SV2C: variants seen among roughly 807,000 people sequenced by gnomAD.
SV2C encodes the protein synaptic vesicle glycoprotein 2C, also known as solute carrier family 22 member B3.
In SV2C, 49 loss-of-function variants were observed where a neutral mutation model predicts 79.7. The observed-to-expected ratio is 0.61, with a 90% CI of 0.49 to 0.78. SV2C has a LOEUF of 0.78. Among genes scored for constraint, SV2C ranks in the 30% least tolerant of loss-of-function variants. SV2C has a pLI of 0.00. For missense variants in SV2C, 833 were observed against 912.9 expected, an observed-to-expected ratio of 0.91 and a Z score of 1.13; for synonymous variants, 334 against 333.2, an observed-to-expected ratio of 1.00 and a Z score of -0.03.
the SV2C span, among the ~76,000 whole-genome samples, chr5:76,034,392 A>G: frequency 6.6e-6 from 1 of 152,208 alleles, no homozygotes; most frequent in South Asian, 2.1e-4. Context: ...GGTTTGTCAT[A>G]GATAGCTCTT....
At chr5:75,921,694 A>G in the SV2C span, 1 of 558,608 alleles carries the variant, frequency 1.8e-6, no homozygotes, top group Non-Finnish European at 3.4e-6. Context: ...CAATGGATAT[A>G]CCCAGCAAAG....
At chr5:76,285,716 A>G (rs1747333413) in intron 5 of SV2C, 65 bp from the exon 6 acceptor site, 2 of 1,370,042 alleles carry the variant, frequency 1.5e-6, no homozygotes, top group South Asian at 1.2e-5. Flanking sequence ...CAAGACGGCT[A>G]TTGGAAAATC....
chr5:76,248,051 G>A (rs1217847427), intron 4 of SV2C, among the ~76,000 whole-genome samples: 2 of 152,162 alleles, frequency 1.3e-5, no homozygotes, highest in African/African-American at 4.8e-5. Flanking sequence ...TAATGATCAA[G>A]TTATATGCAT....
intron 4 of SV2C, among the ~76,000 whole-genome samples, chr5:76,220,744 G>A (rs1479617463): frequency 6.6e-6 from 1 of 152,162 alleles, no homozygotes; most frequent in Non-Finnish European, 1.5e-5. Flanking sequence ...TCCGGGGCTG[G>A]TGTAGTAGCT....
At chr5:75,957,453 C>G in the SV2C span, among the ~76,000 whole-genome samples, 1 of 152,034 alleles carries the variant, frequency 6.6e-6, no homozygotes, top group Non-Finnish European at 1.5e-5. Flanking sequence ...AACCTTTTGA[C>G]ATGCAGCTAT....
chr5:76,105,414 A>G (rs1747878737), intron 1 of SV2C, among the ~76,000 whole-genome samples: 1 of 152,192 alleles, frequency 6.6e-6, no homozygotes, highest in Non-Finnish European at 1.5e-5. Flanking sequence ...CAAGCCCCAG[A>G]TAGCTAGCAC....
upstream of SV2C, chr5:76,082,419 T>C (rs1016877465): frequency 1.1e-4 from 17 of 152,050 alleles, no homozygotes; most frequent in African/African-American, 4.1e-4. Flanking sequence ...GGGAGAAATG[T>C]TTGTTTCTGA....
chr5:76,213,223 A>T (rs1355369865), intron 4 of SV2C, among the ~76,000 whole-genome samples: 1 of 152,376 alleles, frequency 6.6e-6, no homozygotes, highest in Non-Finnish European at 1.5e-5. Flanking sequence ...AATTAAAATT[A>T]AAAATGAAAA....
chr5:75,980,487 C>T, the SV2C span, among the ~76,000 whole-genome samples: 2 of 152,192 alleles, frequency 1.3e-5, no homozygotes, highest in South Asian at 2.1e-4. Flanking sequence ...CAAACCAAAT[C>T]GAACAGCACA....
chr5:76,321,867 T>C (rs1748840882), intron 12 of SV2C, among the ~76,000 whole-genome samples: 1 of 152,208 alleles, frequency 6.6e-6, no homozygotes, highest in Non-Finnish European at 1.5e-5. Context: ...CTTACTTATA[T>C]ACCTGCGTAT....
intron 1 of SV2C, among the ~76,000 whole-genome samples, chr5:76,090,448 T>G (rs1033106047): frequency 2.3e-4 from 35 of 152,332 alleles, no homozygotes; most frequent in African/African-American, 8.4e-4. Context: ...CTGAGATGCA[T>G]GGCTTATAAT....
chr5:76,125,812 C>T (rs1178416868), intron 1 of SV2C, among the ~76,000 whole-genome samples: 2 of 152,144 alleles, frequency 1.3e-5, no homozygotes, highest in African/African-American at 4.8e-5. Context: ...AATCCCAGCA[C>T]TTTGGGAGGC....
the SV2C span, among the ~76,000 whole-genome samples, chr5:75,938,298 G>A: frequency 2.0e-5 from 3 of 151,782 alleles, no homozygotes; most frequent in East Asian, 5.8e-4. Flanking sequence ...AGAACTGCCT[G>A]TATATGCTCA....
the SV2C span, chr5:75,921,144 C>A: frequency 1.1e-6 from 1 of 890,680 alleles, no homozygotes; most frequent in Non-Finnish European, 1.8e-6. Context: ...ATGTTCATGG[C>A]ACCAATGAGC....
At chr5:76,242,359 T>A in intron 4 of SV2C, 1 of 1,245,886 alleles carries the variant, frequency 8.0e-7, no homozygotes, top group Non-Finnish European at 1.1e-6. Flanking sequence ...CGCGCGGGCT[T>A]TGGTCGGACC....
chr5:75,966,804 C>G, the SV2C span, among the ~76,000 whole-genome samples: 5 of 152,104 alleles, frequency 3.3e-5, no homozygotes, highest in African/African-American at 9.7e-5. Context: ...AGCCAAGAAC[C>G]CTCCTGGACT....
chr5:76,290,113 A>G (rs1029543028), intron 6 of SV2C, among the ~76,000 whole-genome samples: 46 of 152,220 alleles, frequency 3.0e-4, no homozygotes, highest in Non-Finnish European at 8.8e-5. Context: ...TTAAATCTAG[A>G]GTTTTAAAAA....
At chr5:76,347,717 C>T (rs2112589787) in intron 12 of SV2C, among the ~76,000 whole-genome samples, 1 of 152,326 alleles carries the variant, frequency 6.6e-6, no homozygotes, top group South Asian at 2.1e-4. Flanking sequence ...GCTGGGATTG[C>T]AAGCGTGAGC....
chr5:76,248,126 G>A (rs896736747), intron 4 of SV2C, among the ~76,000 whole-genome samples: 1 of 152,206 alleles, frequency 6.6e-6, no homozygotes, highest in Non-Finnish European at 1.5e-5. Flanking sequence ...ACACTATTGT[G>A]TACTTTGGCC....
Sources: allele counts gnomAD v4.1 joint callset (sites outside exome capture counted in the v4.1 genomes callset), GRCh38; gene constraint gnomAD v4.1.1; transcripts MANE v1.5; gene names NCBI Gene and HGNC (gene_info 2026-07-23, HGNC 2026-07-21).